CYP4Z1: variants seen among roughly 807,000 people sequenced by gnomAD.
CYP4Z1 encodes the protein cytochrome P450 family 4 subfamily Z member 1.
A neutral mutation model predicts 54.2 loss-of-function variants in CYP4Z1; 41 were observed. The ratio of observed to expected loss-of-function variants is 0.76; its 90% CI spans 0.59 to 0.98. CYP4Z1 has a LOEUF of 0.98. CYP4Z1 is among the 50% of genes least tolerant of loss of function. The probability of loss-of-function intolerance (pLI) is 0.00; values close to 1 mark genes in which losing one functional copy is unlikely to be tolerated. For synonymous variants in CYP4Z1, 163 were observed against 206.2 expected (o/e 0.79, Z 1.79); for missense variants, 513 against 599.0 (o/e 0.86, Z 1.50).
At chr1:47,066,701 T>C (rs1322664953), upstream of CYP4Z1, among the ~76,000 whole-genome samples, 1 of 151,982 alleles carries the variant, frequency 6.6e-6, no homozygotes, top group African/African-American at 2.4e-5. Flanking sequence ...GCATTCAAAT[T>C]GGTAAAAAGG....
chr1:47,108,050 C>T (rs906028917), intron 9 of CYP4Z1, among the ~76,000 whole-genome samples: 2 of 152,212 alleles, frequency 1.3e-5, no homozygotes, highest in Non-Finnish European at 2.9e-5. Context: ...CCTTAATCTC[C>T]CTCAAGCTAC....
chr1:47,084,207 G>GA (rs1192420178), intron 4 of CYP4Z1, among the ~76,000 whole-genome samples: 1 of 151,990 alleles, frequency 6.6e-6, no homozygotes, highest in Non-Finnish European at 1.5e-5. Flanking sequence ...ATGGATCTGG[G>GA]AAAAAACTTG....
intron 9 of CYP4Z1, among the ~76,000 whole-genome samples, chr1:47,106,893 A>G (rs1644761127): frequency 6.6e-6 from 1 of 152,224 alleles, no homozygotes; most frequent in South Asian, 2.1e-4. Flanking sequence ...TTGAAAGGCA[A>G]CATTAGAGAC....
intron 2 of CYP4Z1, among the ~76,000 whole-genome samples, chr1:47,072,839 T>C (rs1644492120): frequency 6.8e-6 from 1 of 147,428 alleles, no homozygotes; most frequent in East Asian, 2.1e-4. Flanking sequence ...ATTTGAGGAA[T>C]TCAGACACTA....
At chr1:47,103,162 G>T (rs1398339451) in intron 8 of CYP4Z1, among the ~76,000 whole-genome samples, 2 of 151,512 alleles carry the variant, frequency 1.3e-5, no homozygotes, top group Non-Finnish European at 2.9e-5. Context: ...AAATTTTTCA[G>T]CTCCAGAATC....
intron 2 of CYP4Z1, among the ~76,000 whole-genome samples, chr1:47,070,267 TTTAA>T (rs1644481622): frequency 8.9e-6 from 1 of 112,318 alleles, no homozygotes; most frequent in South Asian, 4.1e-4. Flanking sequence ...GTGCTTTTCT[TTTAA>T]TTACATTCAT....
At chr1:47,101,143 T>A (rs1644718777) in intron 8 of CYP4Z1, among the ~76,000 whole-genome samples, 1 of 152,200 alleles carries the variant, frequency 6.6e-6, no homozygotes, top group South Asian at 2.1e-4. Flanking sequence ...CTTCTCTCTT[T>A]TTCTCTTCAT....
At chr1:47,117,568 T>C (rs1022802366) in intron 11 of CYP4Z1, among the ~76,000 whole-genome samples, 198 bp from the exon 12 acceptor site, 2 of 152,036 alleles carry the variant, frequency 1.3e-5, no homozygotes, top group African/African-American at 4.8e-5. Flanking sequence ...CTGGCCAACA[T>C]GGTAAAACCC....
chr1:47,102,440 C>A (rs532384125), intron 8 of CYP4Z1, among the ~76,000 whole-genome samples: 3 of 152,154 alleles, frequency 2.0e-5, no homozygotes, highest in African/African-American at 7.2e-5. Flanking sequence ...GTTTTTATAT[C>A]TTCAAGTATT....
the CYP4Z1 span, among the ~76,000 whole-genome samples, chr1:47,055,528 G>A: frequency 6.6e-5 from 10 of 152,228 alleles, no homozygotes; most frequent in South Asian, 2.1e-4. Context: ...GCTAGAATTC[G>A]GCTGTGAATC....
the CYP4Z1 span, among the ~76,000 whole-genome samples, chr1:47,062,109 GA>G: frequency 6.6e-6 from 1 of 152,138 alleles, no homozygotes; most frequent in Admixed American, 6.5e-5. Flanking sequence ...CATTCCCCTT[GA>G]AAACCAGCAC....
rs972928351 is a variant in CYP4Z1, at chr1:47,099,192, G to T, written c.975G>T (p.Trp325Cys). 1 of 1,613,832 alleles carries T rather than the reference G, an allele frequency of 6.2e-7. No homozygotes were observed. Among genetic ancestry groups the T allele is most frequent in the Non-Finnish European group, 8.5e-7 (1 of 1,179,976 alleles). The change falls in exon 8 of 12, where the codon TGG becomes TGT. Residue 325 changes from tryptophan to cysteine, a missense_variant. By Grantham distance (215) the Trp-to-Cys change is radical. Transcript: ENST00000334194. Reference sequence around the variant, plus strand: ...ACACCACATCCAGTGCTATCTCCTGGATCCTTTACTGCTTGGCAAAGTACC... The same window carrying T: ...ACACCACATCCAGTGCTATCTCCTGTATCCTTTACTGCTTGGCAAAGTACC... ...GHDTTSSAIS[W>C]ILYCLAKYPE...
chr1:47,085,244 G>A (rs1644583989), intron 6 of CYP4Z1, among the ~76,000 whole-genome samples: 1 of 152,084 alleles, frequency 6.6e-6, no homozygotes, highest in Non-Finnish European at 1.5e-5. Context: ...CATTTCTTAT[G>A]GAGCAGCTTC....
chr1:47,107,396 C>G (rs1238781895), intron 9 of CYP4Z1, among the ~76,000 whole-genome samples: 1 of 151,966 alleles, frequency 6.6e-6, no homozygotes, highest in Non-Finnish European at 1.5e-5. Context: ...AGAGAAAGAT[C>G]TTTGCTATCA....
intron 8 of CYP4Z1, among the ~76,000 whole-genome samples, chr1:47,101,563 T>A (rs544885657): frequency 3.3e-5 from 5 of 152,102 alleles, no homozygotes; most frequent in Non-Finnish European, 7.4e-5. Context: ...GTTTCTAGAG[T>A]TCCTCTTATT....
chr1:47,092,573 T>G (rs1644647037), intron 6 of CYP4Z1, among the ~76,000 whole-genome samples: 1 of 151,960 alleles, frequency 6.6e-6, no homozygotes, highest in Non-Finnish European at 1.5e-5. Flanking sequence ...CTTTTCCATT[T>G]ATCTTCTGAG....
chr1:47,089,600 T>G (rs1486679362), intron 6 of CYP4Z1, among the ~76,000 whole-genome samples: 6 of 152,324 alleles, frequency 3.9e-5, no homozygotes, highest in Middle Eastern at 6.8e-3. Flanking sequence ...GGCCTATAGT[T>G]ATCCCCATTA....
chr1:47,073,054 C>A (rs1211181596), intron 2 of CYP4Z1, among the ~76,000 whole-genome samples: 1 of 131,062 alleles, frequency 7.6e-6, no homozygotes, highest in Admixed American at 8.0e-5. Flanking sequence ...TTTCATCAGT[C>A]CAGACAGAAA....
At chr1:47,094,767 G>A in intron 7 of CYP4Z1, 98 bp downstream of exon 7, 1 of 714,148 alleles carries the variant, frequency 1.4e-6, no homozygotes, top group Admixed American at 3.0e-5. Context: ...CAGCATTTTG[G>A]GAGGCCAAGG....
Sources: allele counts gnomAD v4.1 joint callset (sites outside exome capture counted in the v4.1 genomes callset), GRCh38; gene constraint gnomAD v4.1.1; transcripts MANE v1.5; gene names NCBI Gene and HGNC (gene_info 2026-07-23, HGNC 2026-07-21).